The following SPG11 variants were observed in gnomAD, a reference collection of about 807,000 sequenced individuals.
SPG11 encodes SPG11 vesicle trafficking associated, spatacsin.
A neutral mutation model predicts 274.0 loss-of-function variants in SPG11; 222 were observed. The observed-to-expected ratio is 0.81, with a 90% CI of 0.73 to 0.91. SPG11 has a LOEUF of 0.91. Among genes scored for constraint, SPG11 ranks in the 40% least tolerant of loss-of-function variants. The pLI, the probability that SPG11 is intolerant of heterozygous loss-of-function variation, is 0.00. For synonymous variants in SPG11, 1,144 were observed against 1,039.7 expected (o/e 1.10, Z -1.93); for missense variants, 3,114 against 2,872.7 (o/e 1.08, Z -1.92).
At chr15:44,655,139 G>C (rs1408291664) in intron 4 of SPG11, among the ~76,000 whole-genome samples, 1 of 152,070 alleles carries the variant, frequency 6.6e-6, no homozygotes, top group Non-Finnish European at 1.5e-5. Flanking sequence ...AGTAAAAAGT[G>C]ATCTCTTTAG....
At position 44,616,748 on chromosome 15, in the gene SPG11, G is replaced by A. The variant is rs771349223; in HGVS notation, c.2835-1182C>T. Among the ~76,000 whole-genome samples, 75 of 152,100 alleles carry A rather than the reference G, an allele frequency of 4.9e-4. 1 individual carries two copies. Among genetic ancestry groups the A allele is most frequent in the South Asian group, 2.5e-3 (12 of 4,816 alleles). On this transcript the variant is annotated intron_variant, in intron 15 of 39. Coordinates refer to ENST00000261866, the MANE Select transcript of SPG11 (RefSeq NM_025137.4). ...TCCACTCTACCTTTGAGAAAATTTA[G>A]CCATACTTATGATAAAAACTATTGG...
intron 4 of SPG11, among the ~76,000 whole-genome samples, chr15:44,655,625 A>AATAC (rs2141117378): frequency 7.0e-6 from 1 of 143,018 alleles, no homozygotes; most frequent in South Asian, 2.1e-4. Context: ...AATATAGTGT[A>AATAC]ATACATATAA....
At chr15:44,609,877 C>A (rs1369029154) in intron 18 of SPG11, among the ~76,000 whole-genome samples, 1 of 149,478 alleles carries the variant, frequency 6.7e-6, no homozygotes, top group African/African-American at 2.5e-5. Context: ...TACAGGAGCA[C>A]GCCACCATGC....
At position 44,610,942 on chromosome 15, in the gene SPG11, A is replaced by C. The variant is rs1196874771; in HGVS notation, c.3189T>G (p.Ile1063Met). 6.8e-6 allele frequency: 11 copies of C among 1,613,930 alleles called. No homozygotes were observed. In the African/African-American group the frequency reaches 1.5e-4, roughly 22 times the overall value. Residue 1063 changes from isoleucine (I) to methionine (M), a missense_variant, in exon 18 of 40, where the codon ATT (isoleucine) becomes ATG (methionine). By Grantham distance (10) the Ile-to-Met change is conservative. Coordinates refer to ENST00000261866, the MANE Select transcript of SPG11 (RefSeq NM_025137.4). ...CACTGGCCTGATTGGTGGGAATCAA[A>C]ATCTGAGCATTTGCAAGGCTAGCCT... ...IFQASLANAQILIPTNQASVS... is the reference protein window; with the variant it reads ...IFQASLANAQMLIPTNQASVS...
At chr15:44,612,568 A>G (rs2083489104) in intron 17 of SPG11, among the ~76,000 whole-genome samples, 1 of 151,982 alleles carries the variant, frequency 6.6e-6, no homozygotes, top group Non-Finnish European at 1.5e-5. Flanking sequence ...CTAATTTTTA[A>G]AAATCTTTTG....
chr15:44,571,669 T>C (rs910643839), intron 33 of SPG11, among the ~76,000 whole-genome samples: 1 of 151,892 alleles, frequency 6.6e-6, no homozygotes, highest in Non-Finnish European at 1.5e-5. Context: ...GGCTAATTTT[T>C]TGTATTTTTA....
chr15:44,567,204 A>G, intron 36 of SPG11: 2 of 476,896 alleles, frequency 4.2e-6, no homozygotes, highest in South Asian at 4.1e-5. Context: ...ACAAAAAATT[A>G]GCCGGGTGTG....
At chr15:44,640,550 G>T (rs2084409707) in intron 7 of SPG11, among the ~76,000 whole-genome samples, 1 of 151,948 alleles carries the variant, frequency 6.6e-6, no homozygotes, top group Non-Finnish European at 1.5e-5. Context: ...AACAATAAAG[G>T]CACCCCTGAA....
intron 7 of SPG11, among the ~76,000 whole-genome samples, chr15:44,639,334 G>A (rs1366754218): frequency 6.6e-6 from 1 of 151,852 alleles, no homozygotes; most frequent in Non-Finnish European, 1.5e-5. Flanking sequence ...GAGAGAGCGT[G>A]TGTGCTCTAC....
chr15:44,655,550 A>C (rs1298634579), intron 4 of SPG11, among the ~76,000 whole-genome samples: 1 of 152,194 alleles, frequency 6.6e-6, no homozygotes, highest in African/African-American at 2.4e-5. Context: ...CAGTACTGTA[A>C]ATGTATTTTC....
intron 9 of SPG11, 60 bp downstream of exon 9, chr15:44,629,173 C>T: frequency 6.4e-7 from 1 of 1,574,080 alleles, no homozygotes; most frequent in East Asian, 2.2e-5. Flanking sequence ...AATAGCAGCA[C>T]TTGTATCTGT....
chr15:44,622,759 T>TA lies in SPG11; in HGVS notation c.2284dup (p.Tyr762LeufsTer4). The TA allele has an allele frequency of 6.2e-7, 1 of 1,613,820 alleles. No individual in the cohort carries two copies. Among genetic ancestry groups the TA allele is most frequent in the Non-Finnish European group, 8.5e-7 (1 of 1,179,800 alleles). ...GTCACGTATATTTTTATTAGTTGTA[T>TA]AGAAGCAGATCTTGAGCAATTGGCC... On this transcript the variant is annotated frameshift_variant, in exon 12 of 40. Transcript: ENST00000261866. LOFTEE classifies it high-confidence loss of function.
Position 44,657,168 on chromosome 15 carries a change from G to C in SPG11, c.796C>G (p.Gln266Glu), listed in dbSNP as rs1234882277. ...ACAATCACTGCAACATCGAGGTCTT[G>C]AGAAACTTTCAGTGAAGTAAATGAA... The part of the protein sequence containing the change: ...ISSFTSLKVS[Q>E]DLDVAVIVSS... The change falls in exon 4 of 40, where the codon CAA becomes GAA. Residue 266 changes from glutamine (Q) to glutamate (E), a missense_variant. By Grantham distance (29) the Gln-to-Glu change is conservative. Coordinates refer to ENST00000261866, the MANE Select transcript of SPG11 (RefSeq NM_025137.4). 3.7e-6 allele frequency: 6 copies of C among 1,614,206 alleles called. No individual in the cohort carries two copies. Among genetic ancestry groups the C allele is most frequent in the Non-Finnish European group, 5.1e-6 (6 of 1,180,040 alleles).
At chr15:44,603,374 G>A (rs754774878) in intron 20 of SPG11, among the ~76,000 whole-genome samples, 2 of 152,134 alleles carry the variant, frequency 1.3e-5, no homozygotes, top group African/African-American at 4.8e-5. Flanking sequence ...TTACAGGCAT[G>A]AGCCACTGCA....
chr15:44,655,871 T>C (rs1313802844), intron 4 of SPG11, among the ~76,000 whole-genome samples: 1 of 152,184 alleles, frequency 6.6e-6, no homozygotes, highest in Non-Finnish European at 1.5e-5. Context: ...TAATAACTAA[T>C]AATAGGACAA....
intron 2 of SPG11, 106 bp from the exon 3 acceptor site, chr15:44,659,409 G>T: frequency 1.0e-6 from 1 of 988,034 alleles, no homozygotes; most frequent in Non-Finnish European, 1.6e-6. Context: ...AAAAGGAACT[G>T]GACTTAGTCT....
chr15:44,573,814 A>C, intron 31 of SPG11, 69 bp from the exon 32 acceptor site: 1 of 1,441,488 alleles, frequency 6.9e-7, no homozygotes, highest in East Asian at 2.3e-5. Context: ...GCCCTTTCTG[A>C]AATCTGATGT....
chr15:44,649,594 G>A (rs1015768850), intron 6 of SPG11, among the ~76,000 whole-genome samples: 4 of 151,922 alleles, frequency 2.6e-5, no homozygotes, highest in Non-Finnish European at 4.4e-5. Flanking sequence ...TGCATTTTAT[G>A]AAATAGCACT....
At chr15:44,618,982 C>A (rs2083666945) in intron 15 of SPG11, among the ~76,000 whole-genome samples, 1 of 152,146 alleles carries the variant, frequency 6.6e-6, no homozygotes, top group African/African-American at 2.4e-5. Flanking sequence ...TTACTAATTT[C>A]ATAATTCCAA....
Sources: gnomAD v4.1 joint callset for allele counts (sites outside exome capture counted in the v4.1 genomes callset) on GRCh38, gnomAD v4.1.1 for gene constraint, MANE v1.5 for transcripts, NCBI Gene and HGNC (gene_info 2026-07-23, HGNC 2026-07-21) for gene names.